Variants in TBL1XR1 observed in about 807,000 individuals in gnomAD.
The protein encoded by TBL1XR1 is TBL1X/Y related 1, also known as F-box-like/WD repeat-containing protein TBL1XR1.
In TBL1XR1, 5 loss-of-function variants were observed where a neutral mutation model predicts 66.9. That is an observed-to-expected ratio of 0.07 (90% CI 0.04 to 0.16). The LOEUF (loss-of-function observed/expected upper bound fraction) is 0.16, where lower values mean the gene tolerates loss of function less well. Ranked by LOEUF, TBL1XR1 falls within the 10% of genes least tolerant of loss-of-function variation. The pLI is 1.00. For missense variants in TBL1XR1, 238 were observed against 623.2 expected (o/e 0.38, Z 6.58); for synonymous variants, 210 against 206.0 (o/e 1.02, Z -0.17).
chr3:177,094,825 G>T (rs1392549051), intron 2 of TBL1XR1, among the ~76,000 whole-genome samples: 2 of 151,942 alleles, frequency 1.3e-5, no homozygotes, highest in Non-Finnish European at 2.9e-5. Context: ...AGGGGGAAAG[G>T]GTGGGGGATG....
At chr3:177,075,158 G>A (rs73187513) in intron 2 of TBL1XR1, among the ~76,000 whole-genome samples, 7,405 of 152,308 alleles carry the variant, frequency 0.049, 247 homozygotes, top group Middle Eastern at 0.099. Context: ...TCCCTCCAAC[G>A]GAAAAGAGAG....
intron 1 of TBL1XR1, among the ~76,000 whole-genome samples, chr3:177,188,013 G>A (rs527368906): frequency 1.6e-4 from 22 of 135,956 alleles, no homozygotes; most frequent in African/African-American, 6.3e-4. Context: ...ACAGTGGCAC[G>A]ATCTCAGCTC....
chr3:177,022,202 C>CAAA lies in TBL1XR1; in HGVS notation c.*3293_*3295dup, dbSNP rs1474610736. On this transcript the variant is annotated 3_prime_UTR_variant, in exon 16 of 16. Transcript: ENST00000457928. ...CTTGACATTTTCGTATGTCAAAAAG[C>CAAA]AAAAAACCTTCATGTATTTCAATCT... 1 of 152,312 alleles carries CAAA rather than the reference C, an allele frequency of 6.6e-6. No homozygotes were observed. The highest frequency in any genetic ancestry group is 1.5e-5 in the Non-Finnish European group (1 of 67,884). 9.4% of individuals were successfully genotyped at this position (152,312 alleles called of 1,614,324 possible).
chr3:177,033,687 C>A (rs529506430), intron 13 of TBL1XR1, among the ~76,000 whole-genome samples: 1 of 152,088 alleles, frequency 6.6e-6, no homozygotes, highest in Non-Finnish European at 1.5e-5. Context: ...CGTAAGTGCC[C>A]ATCAGCTAAC....
In TBL1XR1 at chr3:177,107,043, A is replaced by C. The variant is rs531764071; in HGVS notation, c.-121-8502T>G. Among the ~76,000 whole-genome samples, 4 of 152,326 alleles carry C rather than the reference A, an allele frequency of 2.6e-5. No homozygotes were observed. In the South Asian group the frequency reaches 8.3e-4, roughly 32 times the overall value. On this transcript the variant is annotated intron_variant, in intron 1 of 15. Transcript: ENST00000457928. Reference sequence around the variant, plus strand: ...CACCTTCTAAATGAAGCAGTTCTTCAAACACTCTTCACAACTAAACAGCTT... The same window carrying C: ...CACCTTCTAAATGAAGCAGTTCTTCCAACACTCTTCACAACTAAACAGCTT...
intron 2 of TBL1XR1, among the ~76,000 whole-genome samples, chr3:177,066,619 G>T (rs1719198906): frequency 6.6e-6 from 1 of 152,204 alleles, no homozygotes; most frequent in South Asian, 2.1e-4. Context: ...AAAGAAGCTA[G>T]ATTGGAGTAA....
intron 1 of TBL1XR1, among the ~76,000 whole-genome samples, chr3:177,156,339 A>C (rs1414475434): frequency 1.3e-5 from 2 of 151,482 alleles, no homozygotes; most frequent in East Asian, 3.9e-4. Context: ...TCTCTACTGA[A>C]AACACAAAAA....
chr3:177,179,561 A>G (rs1026003464), intron 1 of TBL1XR1, among the ~76,000 whole-genome samples: 3 of 152,232 alleles, frequency 2.0e-5, no homozygotes, highest in Non-Finnish European at 4.4e-5. Flanking sequence ...AAATGTATCC[A>G]AAGTTTCTCC....
At chr3:177,185,495 T>C (rs1294441606) in intron 1 of TBL1XR1, among the ~76,000 whole-genome samples, 2 of 151,776 alleles carry the variant, frequency 1.3e-5, no homozygotes, top group East Asian at 3.9e-4. Flanking sequence ...CTGTCCCAGC[T>C]ACTCAGGAGC....
intron 1 of TBL1XR1, among the ~76,000 whole-genome samples, chr3:177,099,775 A>C (rs1191126902): frequency 6.6e-6 from 1 of 152,246 alleles, no homozygotes; most frequent in Non-Finnish European, 1.5e-5. Flanking sequence ...ATTTGTTATG[A>C]ATGTCAATTA....
chr3:177,084,978 T>C (rs529372679), intron 2 of TBL1XR1, among the ~76,000 whole-genome samples: 1 of 152,348 alleles, frequency 6.6e-6, no homozygotes, highest in Admixed American at 6.5e-5. Flanking sequence ...CTGAGCACAC[T>C]TGTTCAACAC....
chr3:177,179,591 T>G (rs1246103730), intron 1 of TBL1XR1, among the ~76,000 whole-genome samples: 2 of 152,204 alleles, frequency 1.3e-5, no homozygotes, highest in African/African-American at 4.8e-5. Context: ...AGCTAAAGGT[T>G]GCAGAAGTTA....
intron 1 of TBL1XR1, among the ~76,000 whole-genome samples, chr3:177,134,944 G>GTTGTGTGTGT (rs1728721309): frequency 4.5e-5 from 2 of 44,120 alleles, no homozygotes; most frequent in Non-Finnish European, 9.0e-5. Flanking sequence ...GCACTGCAAG[G>GTTGTGTGTGT]CTGTGTGTGT....
chr3:177,192,508 A>T (rs1736288632), intron 1 of TBL1XR1, among the ~76,000 whole-genome samples: 1 of 147,300 alleles, frequency 6.8e-6, no homozygotes, highest in African/African-American at 2.5e-5. Context: ...CATGCAAAAA[A>T]GATCCACCAC....
intron 2 of TBL1XR1, among the ~76,000 whole-genome samples, chr3:177,078,968 T>C (rs1363860709): frequency 6.6e-6 from 1 of 151,286 alleles, no homozygotes; most frequent in Non-Finnish European, 1.5e-5. Flanking sequence ...AAAAAACTGC[T>C]AGGGACTTCT....
chr3:177,122,419 T>C (rs1028430746), intron 1 of TBL1XR1, among the ~76,000 whole-genome samples: 1 of 152,072 alleles, frequency 6.6e-6, no homozygotes, highest in African/African-American at 2.4e-5. Flanking sequence ...AAGTTCAGCA[T>C]GTACCCTGAA....
chr3:177,053,658 A>G, intron 4 of TBL1XR1, 115 bp downstream of exon 4: 2 of 1,014,176 alleles, frequency 2.0e-6, no homozygotes, highest in Non-Finnish European at 2.9e-6. Flanking sequence ...AACTGCCTGC[A>G]CTTTTGTTAA....
At chr3:177,156,265 C>T (rs1302475674) in intron 1 of TBL1XR1, among the ~76,000 whole-genome samples, 1 of 150,104 alleles carries the variant, frequency 6.7e-6, no homozygotes, top group East Asian at 2.0e-4. Context: ...CTTTGGGAGG[C>T]CAAGAAGGGC....
intron 2 of TBL1XR1, chr3:177,080,013 T>C (rs986005588): frequency 6.6e-6 from 1 of 152,106 alleles, no homozygotes; most frequent in Admixed American, 6.5e-5. Flanking sequence ...TGAGTGATCC[T>C]AAAGATGAAT....
Sources: gnomAD v4.1 joint callset for allele counts (sites outside exome capture counted in the v4.1 genomes callset) on GRCh38, gnomAD v4.1.1 for gene constraint, MANE v1.5 for transcripts, NCBI Gene and HGNC (gene_info 2026-07-23, HGNC 2026-07-21) for gene names.